The following DLC1 variants were observed in gnomAD, a reference collection of about 807,000 sequenced individuals.
DLC1 encodes the protein DLC1 Rho GTPase activating protein.
In DLC1, 54 loss-of-function variants were observed where a neutral mutation model predicts 140.3. The observed-to-expected ratio is 0.38, with a 90% CI of 0.31 to 0.48. The LOEUF (loss-of-function observed/expected upper bound fraction) is 0.48, where lower values mean the gene tolerates loss of function less well. Among genes scored for constraint, DLC1 ranks in the 20% least tolerant of loss-of-function variants. The pLI is 0.96. For synonymous variants in DLC1, 986 were observed against 728.1 expected (o/e 1.35, Z -5.70); for missense variants, 2,536 against 1,907.0 (o/e 1.33, Z -6.14).
chr8:13,585,784 A>C (rs1009044393), intron 1 of DLC1, among the ~76,000 whole-genome samples: 21 of 152,164 alleles, frequency 1.4e-4, no homozygotes, highest in African/African-American at 4.6e-4. Context: ...CCATGCTCAT[A>C]TCCCTATCCA....
intron 2 of DLC1, among the ~76,000 whole-genome samples, chr8:13,477,308 A>G (rs1300827267): frequency 1.3e-5 from 2 of 152,226 alleles, no homozygotes; most frequent in African/African-American, 4.8e-5. Flanking sequence ...TAATTTAAAG[A>G]AAGTGGAAGA....
intron 1 of DLC1, among the ~76,000 whole-genome samples, chr8:13,587,658 G>A (rs1464389208): frequency 2.7e-5 from 4 of 147,718 alleles, no homozygotes; most frequent in East Asian, 2.0e-4. Flanking sequence ...GTTTATATAG[G>A]CGATGTTAAC....
rs564389606 is a variant in DLC1, at chr8:13,372,194, T to A, written c.1314+21359A>T. Among the ~76,000 whole-genome samples, 8 of 152,182 alleles carry A rather than the reference T, an allele frequency of 5.3e-5. No homozygotes were observed. In the South Asian group the frequency reaches 1.5e-3, roughly 28 times the overall value. On this transcript the variant is annotated intron_variant, in intron 4 of 17. Transcript: ENST00000276297. ...TGATAGTGGGAAATAGAAAACTAAA[T>A]GTCTGGAAAAAATGGGGCCAAATAG... is the stretch of plus-strand genomic sequence containing the variant.
chr8:13,569,940 G>T (rs1346687808), intron 1 of DLC1, among the ~76,000 whole-genome samples: 1 of 152,122 alleles, frequency 6.6e-6, no homozygotes, highest in Non-Finnish European at 1.5e-5. Context: ...TGCCCAGACT[G>T]GTCTGGAATT....
chr8:13,262,107 C>T (rs753246890), intron 5 of DLC1, among the ~76,000 whole-genome samples: 6 of 152,022 alleles, frequency 3.9e-5, no homozygotes, highest in Non-Finnish European at 8.8e-5. Context: ...TAGTAAGGGA[C>T]AGTGTGAGTT....
intron 2 of DLC1, among the ~76,000 whole-genome samples, chr8:13,460,718 T>G (rs564994509): frequency 1.3e-5 from 2 of 152,372 alleles, no homozygotes; most frequent in South Asian, 4.1e-4. Context: ...GGCAGACTCC[T>G]GCCTTTGCAA....
intron 5 of DLC1, among the ~76,000 whole-genome samples, chr8:13,301,706 G>A (rs1020364657): frequency 6.6e-6 from 1 of 152,168 alleles, no homozygotes; most frequent in Non-Finnish European, 1.5e-5. Context: ...TGATCTGTTA[G>A]GAACCAGGCT....
At chr8:13,118,625 C>A (rs184667714) in intron 5 of DLC1, among the ~76,000 whole-genome samples, 1 of 152,156 alleles carries the variant, frequency 6.6e-6, no homozygotes, top group Non-Finnish European at 1.5e-5. Context: ...GTTGACCTCA[C>A]GCCTACACTT....
In DLC1 at chr8:13,451,908, A is replaced by G. The variant is rs146982648; in HGVS notation, c.1023+47141T>C. Among the ~76,000 whole-genome samples the G allele has an allele frequency of 5.0e-3, 768 of 152,288 alleles. 4 individuals carry two copies. The highest frequency in any genetic ancestry group is 8.5e-3 in the Non-Finnish European group (577 of 68,022). On this transcript the variant is annotated intron_variant, in intron 2 of 17. Coordinates refer to ENST00000276297, the MANE Select transcript of DLC1 (RefSeq NM_182643.3). ...CCCAGCAGTAGGATTGCTGGATCAT[A>G]TGGTAGCTCTGTTTTTAGTTTTTTG...
chr8:13,141,404 A>G (rs1822984837), intron 5 of DLC1, among the ~76,000 whole-genome samples: 1 of 152,200 alleles, frequency 6.6e-6, no homozygotes, highest in Non-Finnish European at 1.5e-5. Flanking sequence ...ATTAATACTA[A>G]TAAATCAATC....
intron 1 of DLC1, among the ~76,000 whole-genome samples, chr8:13,585,606 G>A (rs1443888466): frequency 2.0e-5 from 3 of 152,180 alleles, no homozygotes; most frequent in Non-Finnish European, 4.4e-5. Flanking sequence ...AAGGCTGGAA[G>A]TCCGAAATTG....
intron 2 of DLC1, among the ~76,000 whole-genome samples, chr8:13,412,262 A>C (rs893131605): frequency 1.3e-5 from 2 of 152,192 alleles, no homozygotes; most frequent in East Asian, 3.8e-4. Flanking sequence ...TTTTTTCATA[A>C]AAAAGAAATC....
rs180732228 is a variant in DLC1 at position 13,395,960 on chromosome 8, A to G, written c.1174-2267T>C. Among the ~76,000 whole-genome samples, 6 of 152,250 alleles carry G rather than the reference A, an allele frequency of 3.9e-5. No homozygotes were observed. The East Asian group carries it at 5.8e-4, about 15-fold the overall frequency. On this transcript the variant is annotated intron_variant, in intron 3 of 17. Coordinates refer to ENST00000276297, the MANE Select transcript of DLC1 (RefSeq NM_182643.3). ...AGTAGTCTTAAATAGCAGATAATTT[A>G]TAAACATTGAATGCATAATCATAAG...
intron 2 of DLC1, among the ~76,000 whole-genome samples, chr8:13,439,186 T>C (rs1018632352): frequency 1.3e-5 from 2 of 152,112 alleles, no homozygotes; most frequent in Admixed American, 1.3e-4. Flanking sequence ...TAGTTGGGCG[T>C]GGTGGTGTGC....
intron 1 of DLC1, among the ~76,000 whole-genome samples, chr8:13,600,693 T>A (rs900929574): frequency 2.0e-5 from 3 of 151,922 alleles, no homozygotes; most frequent in African/African-American, 7.2e-5. Flanking sequence ...TCTTGGTATT[T>A]GAAGAATTAA....
intron 1 of DLC1, among the ~76,000 whole-genome samples, chr8:13,592,721 G>A (rs1227787548): frequency 1.3e-5 from 2 of 152,102 alleles, no homozygotes; most frequent in African/African-American, 2.4e-5. Flanking sequence ...GGCACTGGGA[G>A]CAGTGTTCAG....
intron 5 of DLC1, among the ~76,000 whole-genome samples, chr8:13,179,655 C>T (rs1295559320): frequency 4.0e-5 from 6 of 151,802 alleles, no homozygotes; most frequent in East Asian, 3.9e-4. Flanking sequence ...CAGGAGGTTG[C>T]GGCCACAGTG....
chr8:13,312,360 C>CAAAAAAAAAG (rs1554494772), intron 4 of DLC1, among the ~76,000 whole-genome samples: 9 of 6,642 alleles, frequency 1.4e-3, no homozygotes, highest in Non-Finnish European at 3.0e-3. Flanking sequence ...GACTCCGTCT[C>CAAAAAAAAAG]AAAAAAAAAA....
intron 5 of DLC1, among the ~76,000 whole-genome samples, chr8:13,177,336 G>A (rs1179004226): frequency 4.6e-5 from 7 of 152,132 alleles, no homozygotes; most frequent in Admixed American, 2.0e-4. Flanking sequence ...TTAATGATAT[G>A]TCATTAGTTT....
Sources: allele counts gnomAD v4.1 joint callset (sites outside exome capture counted in the v4.1 genomes callset), GRCh38; gene constraint gnomAD v4.1.1; transcripts MANE v1.5; gene names NCBI Gene and HGNC (gene_info 2026-07-23, HGNC 2026-07-21).